Variants in CEP63 observed in about 807,000 individuals in gnomAD.
The protein encoded by CEP63 is centrosomal protein of 63 kDa.
In CEP63, 84 loss-of-function variants were observed where a neutral mutation model predicts 89.1. That is an observed-to-expected ratio of 0.94 (90% CI 0.79 to 1.13). CEP63 has a LOEUF of 1.13. Among genes scored for constraint, CEP63 ranks in the 50% most tolerant of loss-of-function variants. CEP63 has a pLI of 0.00. For missense variants in CEP63, 838 were observed against 813.3 expected (o/e 1.03, Z -0.37); for synonymous variants, 267 against 272.5 (o/e 0.98, Z 0.20).
Position 134,562,448 on chromosome 3 carries a change from C to T in CEP63, c.*913C>T, listed in dbSNP as rs529979923. ...GGTCAGTGTAGTGTACTTGCCAGCT[C>T]AAGGGTGTGGCCTCTGTGAACCCTC... On this transcript the variant is annotated 3_prime_UTR_variant, in exon 15 of 15. Coordinates refer to ENST00000675561, the MANE Select transcript of CEP63 (RefSeq NM_001353108.3). 1 of 155,392 alleles carries T rather than the reference C, an allele frequency of 6.4e-6. No homozygotes were observed. The highest frequency in any genetic ancestry group is 1.4e-5 in the Non-Finnish European group (1 of 70,852). The allele number at this position is 155,392 out of a possible 1,614,324, so 9.6% of individuals were successfully genotyped here. A position where few individuals can be genotyped will look rare whatever the true frequency, so the allele number is the denominator to read the frequency against.
intron 2 of CEP63, among the ~76,000 whole-genome samples, chr3:134,500,757 G>T (rs1385016340): frequency 6.6e-6 from 1 of 152,108 alleles, no homozygotes; most frequent in Non-Finnish European, 1.5e-5. Context: ...TGCATGGTTT[G>T]CAAATACGTT....
intron 3 of CEP63, among the ~76,000 whole-genome samples, chr3:134,527,064 A>G (rs1948794863): frequency 6.6e-6 from 1 of 152,204 alleles, no homozygotes; most frequent in Non-Finnish European, 1.5e-5. Flanking sequence ...GTGTGGTGAC[A>G]GTGGGATTCA....
chr3:134,506,787 G>T (rs549971192), intron 2 of CEP63, among the ~76,000 whole-genome samples: 1 of 151,570 alleles, frequency 6.6e-6, no homozygotes, highest in Non-Finnish European at 1.5e-5. Context: ...GCATGGTGGC[G>T]CATGCCTGTA....
At chr3:134,496,396 A>C (rs1939971414) in intron 2 of CEP63, among the ~76,000 whole-genome samples, 1 of 142,762 alleles carries the variant, frequency 7.0e-6, no homozygotes, top group Non-Finnish European at 1.5e-5. Context: ...CATCAAACAA[A>C]GTAACATTTA....
At chr3:134,552,645 G>GTAA (rs1267431373) in intron 12 of CEP63, 2 of 151,106 alleles carry the variant, frequency 1.3e-5, no homozygotes, top group East Asian at 3.9e-4. Flanking sequence ...CTAGATGGTG[G>GTAA]TATTATTATT....
chr3:134,518,396 G>A (rs545608006), intron 3 of CEP63, among the ~76,000 whole-genome samples: 37 of 152,204 alleles, frequency 2.4e-4, no homozygotes, highest in African/African-American at 6.7e-4. Context: ...CACTACTGCC[G>A]TAAAGCATGT....
In CEP63 at chr3:134,557,404, T is replaced by A. The variant is rs201630175; in HGVS notation, c.1468-738T>A. Among the ~76,000 whole-genome samples the A allele has an allele frequency of 2.3e-3, 303 of 130,240 alleles. 5 individuals are homozygous for A. The highest frequency in any genetic ancestry group is 8.0e-3 in the African/African-American group (293 of 36,608). 85.4% of individuals were successfully genotyped at this position (130,240 alleles called of 152,430 possible). A position where few individuals can be genotyped will look rare whatever the true frequency, so the allele number is the denominator to read the frequency against. ...TTTTTTTTTTTTTTTTTTTTTTTTT[T>A]ACAGAAAAGACCAAGCTAACCATGG... On this transcript the variant is annotated intron_variant, in intron 12 of 14. Transcript: ENST00000675561.
At chr3:134,735,553 T>C in the CEP63 span, among the ~76,000 whole-genome samples, 1 of 152,100 alleles carries the variant, frequency 6.6e-6, no homozygotes, top group African/African-American at 2.4e-5. Flanking sequence ...AGTATGACGG[T>C]TGAGACAAGA....
At chr3:134,616,555 G>T in the CEP63 span, among the ~76,000 whole-genome samples, 4 of 152,226 alleles carry the variant, frequency 2.6e-5, no homozygotes, top group Non-Finnish European at 5.9e-5. Flanking sequence ...GAATTCAGGG[G>T]ACCGTGAGCT....
In CEP63 at chr3:134,545,728, G is replaced by A. The variant is rs762600402; in HGVS notation, c.698G>A (p.Arg233Lys). 5 of 1,613,992 alleles carry A rather than the reference G, an allele frequency of 3.1e-6. No individual in the cohort carries two copies. Among genetic ancestry groups the A allele is most frequent in the South Asian group, 2.2e-5 (2 of 91,082 alleles). Residue 233 changes from arginine to lysine, a missense_variant, in exon 7 of 15, where the codon AGG becomes AAG. Physicochemically the swap from Arg to Lys is conservative, Grantham distance 26. Coordinates refer to ENST00000675561, the MANE Select transcript of CEP63 (RefSeq NM_001353108.3). ...NELEIERLTM[R>K]VNDLVGTSMT... ...TTGGAAATAGAGCGCCTCACCATGA[G>A]GGTCAATGACTTGGTTGGAACCAGT...
At chr3:134,545,521 A>T in intron 6 of CEP63, 65 bp from the exon 7 acceptor site, 2 of 1,097,200 alleles carry the variant, frequency 1.8e-6, no homozygotes, top group Non-Finnish European at 1.4e-6. Flanking sequence ...GTTTCATTTT[A>T]GTCTTATTCA....
intron 3 of CEP63, among the ~76,000 whole-genome samples, chr3:134,513,974 C>T (rs1206697529): frequency 3.3e-5 from 5 of 152,036 alleles, no homozygotes; most frequent in Non-Finnish European, 7.4e-5. Flanking sequence ...CAGAAAATAA[C>T]CTGAGACAAC....
the CEP63 span, among the ~76,000 whole-genome samples, chr3:134,748,092 C>T: frequency 3.2e-4 from 49 of 152,154 alleles, no homozygotes; most frequent in Non-Finnish European, 4.4e-5. Context: ...CCCCCACTTT[C>T]TATCTTTTGG....
intron 6 of CEP63, among the ~76,000 whole-genome samples, chr3:134,538,198 GTT>G (rs66539157): frequency 0.56 from 63,298 of 112,356 alleles, 16,901 homozygotes; most frequent in East Asian, 0.78. Context: ...AGAAGGGAGG[GTT>G]TTTTTTTTTT....
intron 10 of CEP63, among the ~76,000 whole-genome samples, chr3:134,584,966 T>TTTGTTTTGG (rs1302693248): frequency 6.9e-6 from 1 of 145,320 alleles, no homozygotes; most frequent in Non-Finnish European, 1.5e-5. Flanking sequence ...GTTTTTTTTT[T>TTTGTTTTGG]TTTTTTTTGC....
At chr3:134,757,450 C>A in the CEP63 span, among the ~76,000 whole-genome samples, 12 of 152,278 alleles carry the variant, frequency 7.9e-5, no homozygotes, top group Admixed American at 6.5e-4. Context: ...ACTCTGGACT[C>A]TCAGGACAAG....
At chr3:134,703,774 C>T in the CEP63 span, among the ~76,000 whole-genome samples, 1 of 152,114 alleles carries the variant, frequency 6.6e-6, no homozygotes, top group African/African-American at 2.4e-5. Flanking sequence ...TGCACATGAA[C>T]CCCTGAACTT....
At chr3:134,535,588 A>C (rs1417052690) in intron 5 of CEP63, 1 of 151,570 alleles carries the variant, frequency 6.6e-6, no homozygotes, top group Non-Finnish European at 1.5e-5. Context: ...ACAATTCCTA[A>C]ATTTATATAT....
At chr3:134,608,498 T>C in the CEP63 span, 1 of 1,554,052 alleles carries the variant, frequency 6.4e-7, no homozygotes, top group Admixed American at 1.9e-5. Context: ...CCTCCACTCA[T>C]CCACATGCAC....
Sources: allele counts gnomAD v4.1 joint callset (sites outside exome capture counted in the v4.1 genomes callset), GRCh38; gene constraint gnomAD v4.1.1; transcripts MANE v1.5; gene names NCBI Gene and HGNC (gene_info 2026-07-23, HGNC 2026-07-21).